The following ASTN2 variants were observed in gnomAD, a reference collection of about 807,000 sequenced individuals.
ASTN2 encodes astrotactin 2, also known as astrotactin-2.
In ASTN2, 54 loss-of-function variants were observed where a neutral mutation model predicts 139.8. The observed-to-expected ratio is 0.39, with a 90% CI of 0.31 to 0.48. ASTN2 has a LOEUF of 0.48. Among genes scored for constraint, ASTN2 ranks in the 20% least tolerant of loss-of-function variants. The pLI is 0.95. For missense variants in ASTN2, 1,565 were observed against 1,725.1 expected (o/e 0.91, Z 1.64); for synonymous variants, 756 against 719.5 (o/e 1.05, Z -0.81).
At chr9:117,252,756 G>A (rs1361755721) in intron 2 of ASTN2, among the ~76,000 whole-genome samples, 1 of 152,180 alleles carries the variant, frequency 6.6e-6, no homozygotes, top group Non-Finnish European at 1.5e-5. Flanking sequence ...AGCCTGAGAT[G>A]TGGGAACATG....
chr9:117,015,850 T>G (rs959083868), intron 6 of ASTN2, among the ~76,000 whole-genome samples: 5 of 152,128 alleles, frequency 3.3e-5, no homozygotes, highest in African/African-American at 9.7e-5. Flanking sequence ...ATTAGAAGTT[T>G]ATGGTGTTAT....
intron 19 of ASTN2, among the ~76,000 whole-genome samples, chr9:116,574,582 T>G (rs1853648356): frequency 2.0e-5 from 3 of 152,230 alleles, no homozygotes. Flanking sequence ...TGTGAACATG[T>G]GCCTGGATTT....
At chr9:117,011,692 A>C (rs898641280) in intron 6 of ASTN2, among the ~76,000 whole-genome samples, 1 of 152,208 alleles carries the variant, frequency 6.6e-6, no homozygotes, top group Non-Finnish European at 1.5e-5. Flanking sequence ...TGTGATATGT[A>C]TTCTGCTCAT....
chr9:116,439,191 T>C (rs984896961), intron 22 of ASTN2, among the ~76,000 whole-genome samples: 1 of 125,554 alleles, frequency 8.0e-6, no homozygotes, highest in African/African-American at 3.1e-5. Context: ...TCTATTCAAA[T>C]ACATTTTTTT....
At chr9:116,639,842 T>C (rs16933783) in intron 17 of ASTN2, among the ~76,000 whole-genome samples, 6,547 of 152,272 alleles carry the variant, frequency 0.043, 497 homozygotes, top group African/African-American at 0.15. Context: ...ATGCTTCTAT[T>C]GAAAGGAGCC....
At chr9:116,533,005 T>C (rs1587951229) in intron 19 of ASTN2, among the ~76,000 whole-genome samples, 2 of 152,366 alleles carry the variant, frequency 1.3e-5, no homozygotes, top group South Asian at 2.1e-4. Flanking sequence ...TGGAATGTTC[T>C]TCCATTTGTT....
chr9:116,999,259 C>A (rs1837112457), intron 7 of ASTN2, among the ~76,000 whole-genome samples: 2 of 152,092 alleles, frequency 1.3e-5, no homozygotes, highest in Non-Finnish European at 2.9e-5. Flanking sequence ...ATTATTTAGA[C>A]TTTTAATTTG....
At chr9:117,375,721 G>T (rs1830105164) in intron 1 of ASTN2, among the ~76,000 whole-genome samples, 1 of 152,176 alleles carries the variant, frequency 6.6e-6, no homozygotes, top group Non-Finnish European at 1.5e-5. Flanking sequence ...CATTGCTGCT[G>T]TAACGAATGA....
chr9:117,031,589 T>C (rs1838248226), intron 6 of ASTN2, among the ~76,000 whole-genome samples: 1 of 152,074 alleles, frequency 6.6e-6, no homozygotes, highest in Non-Finnish European at 1.5e-5. Flanking sequence ...AAATTTAAAA[T>C]TATACATTGA....
intron 1 of ASTN2, among the ~76,000 whole-genome samples, chr9:117,408,565 C>G (rs1273064767): frequency 6.6e-6 from 1 of 152,182 alleles, no homozygotes; most frequent in Non-Finnish European, 1.5e-5. Flanking sequence ...AAGCAGGAGG[C>G]CTTGCCAGCC....
chr9:117,402,085 G>A (rs1428663066), intron 1 of ASTN2, among the ~76,000 whole-genome samples: 1 of 152,030 alleles, frequency 6.6e-6, no homozygotes, highest in Non-Finnish European at 1.5e-5. Context: ...TTGTTTTTTT[G>A]AGACAGAGTC....
intron 7 of ASTN2, among the ~76,000 whole-genome samples, chr9:116,989,234 T>C (rs1836773939): frequency 6.6e-6 from 1 of 152,188 alleles, no homozygotes; most frequent in Non-Finnish European, 1.5e-5. Flanking sequence ...GAGTGCACTT[T>C]GAGTGCAATG....
chr9:117,375,852 G>T lies in ASTN2; in HGVS notation c.442+38645C>A, dbSNP rs368310434. Among the ~76,000 whole-genome samples the T allele has an allele frequency of 4.6e-5, 7 of 152,046 alleles. No individual in the cohort carries two copies. In the East Asian group the frequency reaches 1.2e-3, roughly 25 times the overall value. Reference sequence around the variant, plus strand: ...TGCATTCCCTTCTGGAGGCTCTTGGGGATAGCCCCTTTCCTTGTCTTTTCC... The same window carrying T: ...TGCATTCCCTTCTGGAGGCTCTTGGTGATAGCCCCTTTCCTTGTCTTTTCC... On this transcript the variant is annotated intron_variant, in intron 1 of 22. Transcript: ENST00000313400.
intron 1 of ASTN2, among the ~76,000 whole-genome samples, chr9:117,388,398 G>A (rs1461878119): frequency 1.3e-5 from 2 of 152,062 alleles, no homozygotes; most frequent in Non-Finnish European, 1.5e-5. Context: ...TCTGAATTCC[G>A]GTGAGGTCAT....
chr9:117,038,887 G>A (rs541898531), intron 6 of ASTN2, among the ~76,000 whole-genome samples: 2 of 152,292 alleles, frequency 1.3e-5, no homozygotes, highest in South Asian at 4.1e-4. Context: ...GGTGGCAACA[G>A]TGTCTCATTA....
intron 5 of ASTN2, among the ~76,000 whole-genome samples, chr9:117,046,827 T>C (rs1400884151): frequency 6.6e-6 from 1 of 152,246 alleles, no homozygotes; most frequent in African/African-American, 2.4e-5. Context: ...AATAAACATC[T>C]ATTGAATGAA....
intron 5 of ASTN2, among the ~76,000 whole-genome samples, chr9:117,046,565 T>G (rs977686453): frequency 1.3e-5 from 2 of 152,128 alleles, no homozygotes; most frequent in Non-Finnish European, 2.9e-5. Flanking sequence ...AACCTCCCTT[T>G]CTAATACTTG....
At chr9:117,333,872 A>T (rs1361876744) in intron 1 of ASTN2, among the ~76,000 whole-genome samples, 2 of 152,138 alleles carry the variant, frequency 1.3e-5, no homozygotes, top group African/African-American at 4.8e-5. Flanking sequence ...CCACATGGTG[A>T]GTTAATGTCA....
intron 5 of ASTN2, among the ~76,000 whole-genome samples, chr9:117,060,973 A>G (rs1034342370): frequency 2.6e-5 from 4 of 152,138 alleles, no homozygotes; most frequent in Non-Finnish European, 4.4e-5. Flanking sequence ...GAAAATTGGC[A>G]AATACTACAA....
Sources: allele counts gnomAD v4.1 joint callset (sites outside exome capture counted in the v4.1 genomes callset), GRCh38; gene constraint gnomAD v4.1.1; transcripts MANE v1.5; gene names NCBI Gene and HGNC (gene_info 2026-07-23, HGNC 2026-07-21).